Variants in FABP7 observed in about 807,000 individuals in gnomAD.
FABP7 encodes the protein fatty acid binding protein 7.
FABP7 carries 13 observed loss-of-function variants against 14.2 expected under a neutral mutation model. That is an observed-to-expected ratio of 0.91 (90% CI 0.59 to 1.45). The LOEUF (loss-of-function observed/expected upper bound fraction) is 1.45, where lower values mean the gene tolerates loss of function less well. Among genes scored for constraint, FABP7 ranks in the 40% most tolerant of loss-of-function variants. The probability of loss-of-function intolerance (pLI) is 0.00; values close to 1 mark genes in which losing one functional copy is unlikely to be tolerated. For synonymous variants in FABP7, 49 were observed against 51.4 expected (o/e 0.95, Z 0.20); for missense variants, 149 against 157.6 (o/e 0.95, Z 0.29).
At chr6:122,756,133 G>C in the FABP7 span, among the ~76,000 whole-genome samples, 8 of 152,190 alleles carry the variant, frequency 5.3e-5, 1 homozygote, top group South Asian at 1.7e-3. Context: ...CAGGTTCCTG[G>C]AGACATGAGT....
chr6:122,767,385 G>C, the FABP7 span, among the ~76,000 whole-genome samples: 3 of 152,056 alleles, frequency 2.0e-5, no homozygotes, highest in African/African-American at 7.2e-5. Context: ...ATGTTAGAAG[G>C]TTACAAACCT....
At chr6:122,779,225 G>A (rs144021962), upstream of FABP7, among the ~76,000 whole-genome samples, 121 of 152,254 alleles carry the variant, frequency 7.9e-4, no homozygotes, top group African/African-American at 2.8e-3. Flanking sequence ...AACTATGAGA[G>A]AAAATAACAC....
the FABP7 span, among the ~76,000 whole-genome samples, chr6:122,759,857 C>T: frequency 6.6e-6 from 1 of 152,072 alleles, no homozygotes; most frequent in Admixed American, 6.6e-5. Context: ...CACAGTGGCT[C>T]ATGCCTGTAA....
chr6:122,783,514 T>C (rs1487827255), intron 3 of FABP7: 2 of 985,312 alleles, frequency 2.0e-6, no homozygotes, highest in African/African-American at 3.5e-5. Context: ...CTAATCCCAG[T>C]GTTTGCTTCA....
intron 3 of FABP7, 140 bp downstream of exon 3, chr6:122,781,334 T>C: frequency 6.5e-7 from 1 of 1,540,340 alleles, no homozygotes; most frequent in South Asian, 1.2e-5. Context: ...GCAAGGTTCT[T>C]TAACTATATG....
chr6:122,751,233 T>C, the FABP7 span, among the ~76,000 whole-genome samples: 2 of 152,216 alleles, frequency 1.3e-5, no homozygotes, highest in African/African-American at 2.4e-5. Context: ...AGTACTATAG[T>C]GGTATTTACA....
the FABP7 span, among the ~76,000 whole-genome samples, chr6:122,756,169 C>A: frequency 6.6e-6 from 1 of 152,162 alleles, no homozygotes; most frequent in Non-Finnish European, 1.5e-5. Context: ...ATAAACTCCC[C>A]TGCATTCTTT....
chr6:122,762,386 T>G, the FABP7 span, among the ~76,000 whole-genome samples: 2 of 152,198 alleles, frequency 1.3e-5, no homozygotes, highest in African/African-American at 4.8e-5. Flanking sequence ...TGATGGGACA[T>G]ATCTCAAAAT....
At chr6:122,776,317 T>A (rs1002588474), upstream of FABP7, among the ~76,000 whole-genome samples, 10 of 152,160 alleles carry the variant, frequency 6.6e-5, no homozygotes, top group African/African-American at 2.4e-4. Context: ...GTGGTATGTA[T>A]ACATAATGAA....
intron 2 of FABP7, among the ~76,000 whole-genome samples, chr6:122,780,697 T>A (rs1399013621): frequency 2.6e-5 from 4 of 152,234 alleles, no homozygotes; most frequent in African/African-American, 9.6e-5. Flanking sequence ...CTGTTCACAT[T>A]TTATATCAAA....
At chr6:122,782,371 C>T (rs918654797) in intron 3 of FABP7, 27 of 525,344 alleles carry the variant, frequency 5.1e-5, no homozygotes, top group East Asian at 3.0e-4. Flanking sequence ...TCCTACTTCC[C>T]GGATGGCTCC....
chr6:122,758,533 A>G, the FABP7 span, among the ~76,000 whole-genome samples: 1 of 152,174 alleles, frequency 6.6e-6, no homozygotes, highest in Non-Finnish European at 1.5e-5. Context: ...ATCAAATTCT[A>G]AGGTATAAAT....
the FABP7 span, among the ~76,000 whole-genome samples, chr6:122,757,798 G>A: frequency 2.0e-5 from 3 of 152,128 alleles, no homozygotes; most frequent in Non-Finnish European, 2.9e-5. Context: ...AGGTGCATGC[G>A]TTCCAAGGAG....
the FABP7 span, among the ~76,000 whole-genome samples, chr6:122,763,186 C>T: frequency 6.6e-6 from 1 of 152,146 alleles, no homozygotes; most frequent in South Asian, 2.1e-4. Flanking sequence ...GGTACCAAAA[C>T]AGATATATAG....
chr6:122,775,639 C>A (rs1780658636), upstream of FABP7, among the ~76,000 whole-genome samples: 1 of 151,242 alleles, frequency 6.6e-6, no homozygotes, highest in South Asian at 2.1e-4. Flanking sequence ...GCACAGGCAA[C>A]CAAAGCAAAA....
chr6:122,750,135 A>G, the FABP7 span, among the ~76,000 whole-genome samples: 1 of 152,138 alleles, frequency 6.6e-6, no homozygotes, highest in Non-Finnish European at 1.5e-5. Context: ...TTAAATTTTT[A>G]TGTTTTATAA....
Position 122,780,290 on chromosome 6 carries a change from G to A in FABP7, c.74-1G>A. ...CTGTACTGTTCCCTTTGCTATTTTA[G>A]GCGTGGGCTTTGCCACTAGGCAGGT... On this transcript the variant is annotated splice_acceptor_variant, in intron 1 of 3. Coordinates refer to ENST00000368444, the MANE Select transcript of FABP7 (RefSeq NM_001446.5). LOFTEE classifies it high-confidence loss of function. 1 of 1,614,048 alleles carries A rather than the reference G, an allele frequency of 6.2e-7. No individual in the cohort carries two copies.
At chr6:122,757,875 A>G in the FABP7 span, among the ~76,000 whole-genome samples, 1 of 152,124 alleles carries the variant, frequency 6.6e-6, no homozygotes, top group Non-Finnish European at 1.5e-5. Flanking sequence ...TCCCGTTACT[A>G]TTTAATTTTA....
the FABP7 span, among the ~76,000 whole-genome samples, chr6:122,749,444 G>C: frequency 6.6e-6 from 1 of 152,112 alleles, no homozygotes; most frequent in Non-Finnish European, 1.5e-5. Context: ...ATGATTAATA[G>C]TCTCTCTCTC....
Sources: gnomAD v4.1 joint callset for allele counts (sites outside exome capture counted in the v4.1 genomes callset) on GRCh38, gnomAD v4.1.1 for gene constraint, MANE v1.5 for transcripts, NCBI Gene and HGNC (gene_info 2026-07-23, HGNC 2026-07-21) for gene names.